Variants in MOB3B observed in about 807,000 individuals in gnomAD.
The protein encoded by MOB3B is MOB kinase activator 3B, also known as MOB kinase activator-like 2B.
Under a neutral mutation model 18.7 loss-of-function variants are expected in MOB3B, and 7 were observed. That is an observed-to-expected ratio of 0.37 (90% CI 0.21 to 0.70). MOB3B has a LOEUF of 0.70. MOB3B is among the 30% of genes least tolerant of loss of function. The pLI is 0.52. For synonymous variants in MOB3B, 111 were observed against 99.9 expected (o/e 1.11, Z -0.66); for missense variants, 253 against 281.3 (o/e 0.90, Z 0.72).
rs192797928 is a variant in MOB3B at position 27,522,097 on chromosome 9, C to T, written c.-199+7458G>A. 9.2e-4 allele frequency among the ~76,000 whole-genome samples: 139 copies of T among 151,382 alleles called. 1 individual carries two copies. In the East Asian group the frequency reaches 0.021, roughly 23 times the overall value. On this transcript the variant is annotated intron_variant, in intron 1 of 3. Transcript: ENST00000262244. ...CTCTACTAAAATACAAAAAAATTAA[C>T]GAGACATGGTGACGCGTGCCTGTAA...
In MOB3B at chr9:27,420,396, GAACT is replaced by G. The variant is rs1822224024; in HGVS notation, c.418+34733_418+34736del. On this transcript the variant is annotated intron_variant, in intron 2 of 3. Coordinates refer to ENST00000262244, the MANE Select transcript of MOB3B (RefSeq NM_024761.5). ...CACAATTCACAATTGCAAAATTGTG[GAACT>G]AACCCAATTGTCCATCGATCAACGA... is the stretch of plus-strand genomic sequence containing the variant. Among the ~76,000 whole-genome samples, 4 of 151,406 alleles carry G rather than the reference GAACT, an allele frequency of 2.6e-5. No individual in the cohort carries two copies. In the South Asian group the frequency reaches 8.4e-4, roughly 32 times the overall value.
chr9:27,481,292 A>T (rs1819645256), intron 1 of MOB3B, among the ~76,000 whole-genome samples: 2 of 152,190 alleles, frequency 1.3e-5, no homozygotes, highest in Non-Finnish European at 2.9e-5. Context: ...ACAAATGTAA[A>T]TCAACTAAAT....
intron 1 of MOB3B, among the ~76,000 whole-genome samples, chr9:27,501,621 G>C (rs1819992597): frequency 6.6e-6 from 1 of 150,434 alleles, no homozygotes; most frequent in Non-Finnish European, 1.5e-5. Context: ...GTGGGGGGAA[G>C]GATAGCATTG....
intron 3 of MOB3B, among the ~76,000 whole-genome samples, chr9:27,348,914 C>A (rs967383218): frequency 2.6e-5 from 4 of 152,206 alleles, no homozygotes; most frequent in African/African-American, 9.7e-5. Context: ...TAGGCCTAGA[C>A]TTGCAGGATG....
chr9:27,385,387 A>C (rs780521103), intron 2 of MOB3B, among the ~76,000 whole-genome samples: 1 of 152,056 alleles, frequency 6.6e-6, no homozygotes, highest in Non-Finnish European at 1.5e-5. Context: ...TAAACGGAGG[A>C]GGTAGGTCAG....
At chr9:27,411,067 G>C (rs1822058399) in intron 2 of MOB3B, among the ~76,000 whole-genome samples, 1 of 152,160 alleles carries the variant, frequency 6.6e-6, no homozygotes, top group South Asian at 2.1e-4. Context: ...CAATGATCTT[G>C]TTCATATATG....
intron 2 of MOB3B, among the ~76,000 whole-genome samples, chr9:27,388,523 T>C (rs1396589716): frequency 6.6e-6 from 1 of 152,100 alleles, no homozygotes; most frequent in Admixed American, 6.5e-5. Context: ...CATGAATAAA[T>C]TCTTCAGCAG....
chr9:27,529,269 C>G (rs534263642), intron 1 of MOB3B, among the ~76,000 whole-genome samples: 278 of 122,864 alleles, frequency 2.3e-3, no homozygotes, highest in African/African-American at 6.5e-3. Context: ...CTTTTCAAAT[C>G]AAGGACAAAT....
chr9:27,400,722 G>A (rs910435606), intron 2 of MOB3B, among the ~76,000 whole-genome samples: 1 of 152,162 alleles, frequency 6.6e-6, no homozygotes, highest in East Asian at 1.9e-4. Context: ...GTCCATTAAC[G>A]TACATGAAAG....
chr9:27,515,643 G>A (rs1820220597), intron 1 of MOB3B, among the ~76,000 whole-genome samples: 1 of 152,148 alleles, frequency 6.6e-6, no homozygotes, highest in South Asian at 2.1e-4. Flanking sequence ...GGCTTATCAT[G>A]TTGACAGGCT....
At chr9:27,476,199 C>T (rs72725275) in intron 1 of MOB3B, among the ~76,000 whole-genome samples, 2 of 152,268 alleles carry the variant, frequency 1.3e-5, no homozygotes, top group Admixed American at 6.5e-5. Flanking sequence ...GTTTGCTAGG[C>T]CTGCCATAAC....
At chr9:27,412,388 G>T (rs1174668847) in intron 2 of MOB3B, among the ~76,000 whole-genome samples, 1 of 152,026 alleles carries the variant, frequency 6.6e-6, no homozygotes, top group Non-Finnish European at 1.5e-5. Flanking sequence ...TTGTGGCAAA[G>T]CCCCCACCTT....
At chr9:27,371,983 T>A (rs904259129) in intron 2 of MOB3B, among the ~76,000 whole-genome samples, 2 of 152,194 alleles carry the variant, frequency 1.3e-5, no homozygotes, top group African/African-American at 4.8e-5. Context: ...GCTGACAGCT[T>A]AATTTTAAAA....
intron 3 of MOB3B, chr9:27,358,824 T>G (rs1256493627): frequency 2.7e-6 from 2 of 746,606 alleles, no homozygotes; most frequent in African/African-American, 1.7e-5. Context: ...CTGCCACCTC[T>G]TGGAGGGTAA....
At chr9:27,333,111 G>GT (rs755174828) in intron 3 of MOB3B, among the ~76,000 whole-genome samples, 166 of 151,646 alleles carry the variant, frequency 1.1e-3, no homozygotes, top group Non-Finnish European at 1.9e-3. Flanking sequence ...ATATGGCAGA[G>GT]TTTTTTTTTA....
chr9:27,355,537 A>G (rs1342601524), intron 3 of MOB3B, among the ~76,000 whole-genome samples: 2 of 151,440 alleles, frequency 1.3e-5, no homozygotes, highest in African/African-American at 4.9e-5. Flanking sequence ...AAATTTCTTG[A>G]GAGCATAGTT....
At chr9:27,410,935 A>C (rs944053495) in intron 2 of MOB3B, among the ~76,000 whole-genome samples, 1 of 152,152 alleles carries the variant, frequency 6.6e-6, no homozygotes. Flanking sequence ...CGTCTTAACT[A>C]TTCTTTGAAA....
rs1444753690 is a variant in MOB3B, at chr9:27,329,652, T to C, written c.*935A>G. Reference sequence around the variant, plus strand: ...TACTTTTTTCACTGAAATGTTAGTATTATGTAGAGACAGCCACGACTCCCT... The same window carrying C: ...TACTTTTTTCACTGAAATGTTAGTACTATGTAGAGACAGCCACGACTCCCT... On this transcript the variant is annotated 3_prime_UTR_variant, in exon 4 of 4. Coordinates refer to ENST00000262244, the MANE Select transcript of MOB3B (RefSeq NM_024761.5). 6.6e-6 allele frequency: 1 copy of C among 152,618 alleles called. No individual in the cohort carries two copies. The highest frequency in any genetic ancestry group is 1.5e-5 in the Non-Finnish European group (1 of 68,038). The allele number at this position is 152,618 out of a possible 1,614,324, so 9.5% of individuals were successfully genotyped here.
intron 1 of MOB3B, among the ~76,000 whole-genome samples, chr9:27,519,223 T>C (rs1354101045): frequency 6.6e-6 from 1 of 152,194 alleles, no homozygotes; most frequent in Non-Finnish European, 1.5e-5. Flanking sequence ...CATCATTCAG[T>C]CACCCAACAA....
Sources: gnomAD v4.1 joint callset for allele counts (sites outside exome capture counted in the v4.1 genomes callset) on GRCh38, gnomAD v4.1.1 for gene constraint, MANE v1.5 for transcripts, NCBI Gene and HGNC (gene_info 2026-07-23, HGNC 2026-07-21) for gene names.